The following POU6F2 variants were observed in gnomAD, a reference collection of about 807,000 sequenced individuals.
The protein encoded by POU6F2 is POU domain, class 6, transcription factor 2.
In POU6F2, 31 loss-of-function variants were observed where a neutral mutation model predicts 71.3. The observed-to-expected ratio is 0.43, with a 90% CI of 0.33 to 0.59. The LOEUF (loss-of-function observed/expected upper bound fraction) is 0.59, where lower values mean the gene tolerates loss of function less well. POU6F2 is among the 20% of genes least tolerant of loss of function. The pLI, the probability that POU6F2 is intolerant of heterozygous loss-of-function variation, is 0.04. For synonymous variants in POU6F2, 347 were observed against 355.7 expected (o/e 0.98, Z 0.27); for missense variants, 783 against 856.8 (o/e 0.91, Z 1.07).
chr7:39,299,714 C>T (rs1378132561), intron 4 of POU6F2, among the ~76,000 whole-genome samples: 1 of 152,222 alleles, frequency 6.6e-6, no homozygotes, highest in Non-Finnish European at 1.5e-5. Context: ...TTACCCATCT[C>T]ACTGGCATTT....
chr7:39,191,472 G>A (rs1416370902), intron 2 of POU6F2, among the ~76,000 whole-genome samples: 3 of 152,134 alleles, frequency 2.0e-5, no homozygotes, highest in African/African-American at 7.2e-5. Context: ...AATTTGGACT[G>A]AAAACCTGTA....
intron 5 of POU6F2, among the ~76,000 whole-genome samples, chr7:39,349,106 A>G (rs1016140473): frequency 6.6e-6 from 1 of 152,202 alleles, no homozygotes; most frequent in African/African-American, 2.4e-5. Flanking sequence ...ACTAGGTCCA[A>G]TAGGCTGGGC....
intron 4 of POU6F2, among the ~76,000 whole-genome samples, chr7:39,294,507 G>A (rs1410544673): frequency 6.6e-6 from 1 of 151,816 alleles, no homozygotes; most frequent in Non-Finnish European, 1.5e-5. Context: ...GACTGAAAGA[G>A]CTGTGAAGTA....
At chr7:39,140,867 G>A (rs1792483957) in intron 2 of POU6F2, among the ~76,000 whole-genome samples, 1 of 152,176 alleles carries the variant, frequency 6.6e-6, no homozygotes, top group Admixed American at 6.5e-5. Context: ...GGAGTCACCA[G>A]GGGTTTTAAG....
chr7:39,001,921 A>G (rs559256863), intron 1 of POU6F2: 11 of 152,004 alleles, frequency 7.2e-5, no homozygotes, highest in African/African-American at 2.7e-4. Flanking sequence ...GGTGATAGTG[A>G]TGATGTGGTG....
At chr7:39,132,984 T>A (rs1238495458) in intron 2 of POU6F2, among the ~76,000 whole-genome samples, 2 of 152,200 alleles carry the variant, frequency 1.3e-5, no homozygotes, top group African/African-American at 4.8e-5. Context: ...TGTATGAGAT[T>A]ACCTCTTTGA....
chr7:39,080,420 A>G (rs2128719834), intron 1 of POU6F2, among the ~76,000 whole-genome samples: 1 of 152,300 alleles, frequency 6.6e-6, no homozygotes, highest in East Asian at 1.9e-4. Flanking sequence ...ACTAAACACA[A>G]AATATGACGG....
chr7:39,353,275 C>T lies in POU6F2; in HGVS notation c.972+13260C>T, dbSNP rs80252057. On this transcript the variant is annotated intron_variant, in intron 5 of 9. Coordinates refer to ENST00000518318, the MANE Select transcript of POU6F2 (RefSeq NM_001370959.1). The stretch of plus-strand genomic sequence containing the variant: ...TTGTACAAATATCAGCCTAAGGATG[C>T]ATACATGAATGCATGGGTTGACCTA... 3.5e-3 allele frequency among the ~76,000 whole-genome samples: 526 copies of T among 152,320 alleles called. 2 individuals are homozygous for T. Among genetic ancestry groups the T allele is most frequent in the African/African-American group, 0.012 (500 of 41,570 alleles).
chr7:38,993,898 T>G (rs184369734), intron 1 of POU6F2, among the ~76,000 whole-genome samples: 2 of 152,250 alleles, frequency 1.3e-5, no homozygotes, highest in Admixed American at 1.3e-4. Context: ...TTTAGCTCAG[T>G]CATTCCTTAG....
chr7:39,368,868 G>A (rs1192100883), intron 5 of POU6F2, among the ~76,000 whole-genome samples: 2 of 152,196 alleles, frequency 1.3e-5, no homozygotes, highest in African/African-American at 4.8e-5. Flanking sequence ...ACTAAGGGGA[G>A]TTTGAAAGAA....
intron 2 of POU6F2, among the ~76,000 whole-genome samples, chr7:39,114,897 T>G (rs1791898819): frequency 6.6e-6 from 1 of 152,164 alleles, no homozygotes; most frequent in Non-Finnish European, 1.5e-5. Context: ...GACAGATAGG[T>G]GAGCACATAG....
intron 1 of POU6F2, among the ~76,000 whole-genome samples, chr7:39,015,903 A>AT (rs1562670866): frequency 2.2e-5 from 1 of 45,558 alleles, no homozygotes; most frequent in East Asian, 1.1e-3. Flanking sequence ...ATATATAGAT[A>AT]TATATTATAT....
intron 4 of POU6F2, among the ~76,000 whole-genome samples, chr7:39,268,435 C>G (rs567426990): frequency 6.6e-6 from 1 of 151,952 alleles, no homozygotes; most frequent in African/African-American, 2.4e-5. Flanking sequence ...AGTACTGAGG[C>G]GGAAGGTGCT....
chr7:39,425,494 T>A (rs1340494499), intron 6 of POU6F2, among the ~76,000 whole-genome samples: 1 of 152,208 alleles, frequency 6.6e-6, no homozygotes, highest in Non-Finnish European at 1.5e-5. Context: ...AATTGACTGT[T>A]CCTGTTATTA....
chr7:39,024,453 A>G (rs1789752801), intron 1 of POU6F2, among the ~76,000 whole-genome samples: 1 of 152,078 alleles, frequency 6.6e-6, no homozygotes, highest in African/African-American at 2.4e-5. Context: ...GTCTGCAAAC[A>G]GGGACAATTT....
intron 1 of POU6F2, among the ~76,000 whole-genome samples, chr7:39,066,869 T>C (rs1790764514): frequency 6.7e-6 from 1 of 148,168 alleles, no homozygotes; most frequent in African/African-American, 2.4e-5. Context: ...ATATGTAGCA[T>C]ATTATGCATT....
chr7:39,218,543 A>G (rs986184990), intron 4 of POU6F2, among the ~76,000 whole-genome samples: 3 of 152,076 alleles, frequency 2.0e-5, no homozygotes, highest in Non-Finnish European at 2.9e-5. Flanking sequence ...GCTAAACTTC[A>G]TTTCCTCCTA....
chr7:39,203,512 G>A (rs980091814), intron 2 of POU6F2, among the ~76,000 whole-genome samples: 4 of 152,182 alleles, frequency 2.6e-5, no homozygotes, highest in Non-Finnish European at 5.9e-5. Context: ...AGAAACACAC[G>A]TAGAGAAATG....
chr7:39,024,858 C>T (rs1315221082), intron 1 of POU6F2, among the ~76,000 whole-genome samples: 1 of 152,144 alleles, frequency 6.6e-6, no homozygotes, highest in East Asian at 1.9e-4. Context: ...ATGAAGCCCA[C>T]TTGATCATGG....
Sources: gnomAD v4.1 joint callset for allele counts (sites outside exome capture counted in the v4.1 genomes callset) on GRCh38, gnomAD v4.1.1 for gene constraint, MANE v1.5 for transcripts, NCBI Gene and HGNC (gene_info 2026-07-23, HGNC 2026-07-21) for gene names.